Variants in PRELID2 observed in about 807,000 individuals in gnomAD.
PRELID2 encodes PRELI domain containing 2.
PRELID2 carries 25 observed loss-of-function variants against 28.4 expected under a neutral mutation model. The observed-to-expected ratio is 0.88, with a 90% confidence interval of 0.64 to 1.23. The LOEUF is 1.23. Among genes scored for constraint, PRELID2 ranks in the 50% most tolerant of loss-of-function variants. PRELID2 has a pLI of 0.00. For synonymous variants in PRELID2, 76 were observed against 71.6 expected, an observed-to-expected ratio of 1.06 and a Z score of -0.31; for missense variants, 201 against 214.4, an observed-to-expected ratio of 0.94 and a Z score of 0.39.
intron 5 of PRELID2, among the ~76,000 whole-genome samples, chr5:145,791,019 T>C (rs973334508): frequency 2.0e-5 from 3 of 151,812 alleles, no homozygotes; most frequent in Admixed American, 2.0e-4. Flanking sequence ...AATCCACCAA[T>C]GGATGATGTC....
chr5:145,681,106 G>A (rs889956870), intron 1 of PRELID2, among the ~76,000 whole-genome samples: 2 of 152,122 alleles, frequency 1.3e-5, no homozygotes, highest in African/African-American at 4.8e-5. Context: ...AAAGTACTCA[G>A]GGGGAAGCTG....
the PRELID2 span, among the ~76,000 whole-genome samples, chr5:145,442,477 C>T: frequency 6.6e-6 from 1 of 152,010 alleles, no homozygotes; most frequent in East Asian, 1.9e-4. Context: ...GGTGGATCGG[C>T]AGGTTGAGAA....
At chr5:145,580,931 G>C (rs1433031) in intron 1 of PRELID2, among the ~76,000 whole-genome samples, 29,323 of 151,916 alleles carry the variant, frequency 0.19, 5,018 homozygotes, top group African/African-American at 0.45. Flanking sequence ...TTTCCATTGA[G>C]CTTAGAATAA....
At chr5:145,830,128 T>C (rs1315113233) in intron 1 of PRELID2, among the ~76,000 whole-genome samples, 1 of 152,216 alleles carries the variant, frequency 6.6e-6, no homozygotes, top group Non-Finnish European at 1.5e-5. Context: ...AGTTCATTCA[T>C]TCATTCAGCA....
intron 1 of PRELID2, among the ~76,000 whole-genome samples, chr5:145,645,817 C>G (rs1754187369): frequency 6.6e-6 from 1 of 152,136 alleles, no homozygotes; most frequent in African/African-American, 2.4e-5. Flanking sequence ...ATATGAAATT[C>G]TGGGTTGAAA....
At chr5:145,374,679 C>A in the PRELID2 span, among the ~76,000 whole-genome samples, 1 of 152,084 alleles carries the variant, frequency 6.6e-6, no homozygotes, top group East Asian at 1.9e-4. Context: ...TTGTTCATTT[C>A]TTTTCATTCT....
chr5:145,722,373 C>T (rs1326954752), intron 1 of PRELID2, among the ~76,000 whole-genome samples: 1 of 152,222 alleles, frequency 6.6e-6, no homozygotes, highest in Non-Finnish European at 1.5e-5. Flanking sequence ...AATCTCAGCT[C>T]ACTGCAACCT....
At chr5:145,566,337 G>A (rs376294866) in intron 1 of PRELID2, among the ~76,000 whole-genome samples, 22 of 152,090 alleles carry the variant, frequency 1.4e-4, no homozygotes, top group African/African-American at 4.3e-4. Context: ...CTCTTCCAAC[G>A]CCATCAAGAG....
At chr5:145,747,510 G>C (rs984447936) in intron 1 of PRELID2, among the ~76,000 whole-genome samples, 2 of 152,088 alleles carry the variant, frequency 1.3e-5, no homozygotes, top group Non-Finnish European at 1.5e-5. Context: ...CCAATAACAA[G>C]TTCTGAAATT....
chr5:145,814,780 A>T (rs1488992928), intron 4 of PRELID2, among the ~76,000 whole-genome samples: 1 of 152,202 alleles, frequency 6.6e-6, no homozygotes, highest in South Asian at 2.1e-4. Context: ...ATTAACATTT[A>T]GTGCTTATAT....
At chr5:145,621,439 G>T (rs1325487749) in intron 1 of PRELID2, among the ~76,000 whole-genome samples, 1 of 152,024 alleles carries the variant, frequency 6.6e-6, no homozygotes, top group East Asian at 1.9e-4. Flanking sequence ...ACAAAAACTT[G>T]TACACACCAC....
chr5:145,409,088 G>T, the PRELID2 span, among the ~76,000 whole-genome samples: 11 of 152,202 alleles, frequency 7.2e-5, no homozygotes, highest in Non-Finnish European at 1.3e-4. Context: ...GAAAATAATT[G>T]TCAGCCAGGA....
At chr5:145,320,218 C>G in the PRELID2 span, among the ~76,000 whole-genome samples, 1 of 151,618 alleles carries the variant, frequency 6.6e-6, no homozygotes, top group East Asian at 1.9e-4. Flanking sequence ...ACTACTTGCA[C>G]TTGGCATTTC....
the PRELID2 span, among the ~76,000 whole-genome samples, chr5:145,364,023 A>G: frequency 1.3e-5 from 2 of 152,020 alleles, no homozygotes; most frequent in South Asian, 2.1e-4. Context: ...TTCACACAAC[A>G]AATTCTGCTT....
the PRELID2 span, among the ~76,000 whole-genome samples, chr5:145,431,821 G>A: frequency 3.3e-5 from 5 of 152,136 alleles, no homozygotes; most frequent in African/African-American, 1.2e-4. Context: ...TTTTGCAAAA[G>A]GATAATGATG....
the PRELID2 span, among the ~76,000 whole-genome samples, chr5:145,383,648 G>A: frequency 6.7e-6 from 1 of 149,548 alleles, no homozygotes; most frequent in Non-Finnish European, 1.5e-5. Context: ...TCAACTTTTA[G>A]CTCACACCAT....
At chr5:145,333,285 G>A in the PRELID2 span, among the ~76,000 whole-genome samples, 20 of 152,336 alleles carry the variant, frequency 1.3e-4, no homozygotes, top group South Asian at 4.1e-3. Context: ...TCCCTTAGCA[G>A]AGCATGAGCG....
At chr5:145,752,338 C>A (rs116050434), downstream of PRELID2, among the ~76,000 whole-genome samples, 935 of 152,338 alleles carry the variant, frequency 6.1e-3, 14 homozygotes, top group African/African-American at 0.021. Flanking sequence ...ACTTTCCATA[C>A]TGGAATAGCT....
At chr5:145,619,284 A>G (rs1260394216) in intron 1 of PRELID2, among the ~76,000 whole-genome samples, 1 of 152,188 alleles carries the variant, frequency 6.6e-6, no homozygotes, top group Non-Finnish European at 1.5e-5. Flanking sequence ...CCTGTGGCAT[A>G]TTCCTCCTGC....
Sources: gnomAD v4.1 joint callset for allele counts (sites outside exome capture counted in the v4.1 genomes callset) on GRCh38, gnomAD v4.1.1 for gene constraint, MANE v1.5 for transcripts, NCBI Gene and HGNC (gene_info 2026-07-23, HGNC 2026-07-21) for gene names.